ABCB5: variants seen among roughly 807,000 people sequenced by gnomAD.
ABCB5 encodes the protein ATP binding cassette subfamily B member 5.
In ABCB5, 155 loss-of-function variants were observed where a neutral mutation model predicts 144.2. The ratio of observed to expected loss-of-function variants is 1.08; its 90% CI spans 0.94 to 1.23. The LOEUF (loss-of-function observed/expected upper bound fraction) is 1.23. Among genes scored for constraint, ABCB5 ranks in the 50% most tolerant of loss-of-function variants. The pLI is 0.00. For missense variants in ABCB5, 1,830 were observed against 1,520.8 expected (o/e 1.20, Z -3.38); for synonymous variants, 610 against 528.6 (o/e 1.15, Z -2.11).
rs569999498 is a variant in ABCB5 at position 20,753,245 on chromosome 7, A to T, written c.3430-115A>T. 39 of 1,284,692 alleles carry T rather than the reference A, an allele frequency of 3.0e-5. No homozygotes were observed. The East Asian group carries it at 4.0e-4, about 13-fold the overall frequency. The allele number at this position is 1,284,692 out of a possible 1,614,324, so 79.6% of individuals were successfully genotyped here. A position where few individuals can be genotyped will look rare whatever the true frequency, so the allele number is the denominator to read the frequency against. ...AGAATAGATTTCAACATTTGTTGGG[A>T]CACAAATTTTCAAGAGTAGCAAAAT... On this transcript the variant is annotated intron_variant, in intron 26 of 27. Transcript: ENST00000404938.
chr7:20,702,327 G>A (rs557260497), intron 19 of ABCB5, among the ~76,000 whole-genome samples: 15 of 151,944 alleles, frequency 9.9e-5, no homozygotes, highest in Non-Finnish European at 2.1e-4. Flanking sequence ...AGGCTTCTTG[G>A]GGTTCTTTAA....
intron 14 of ABCB5, among the ~76,000 whole-genome samples, chr7:20,670,647 T>C (rs1372259375): frequency 2.0e-5 from 3 of 152,208 alleles, no homozygotes; most frequent in Admixed American, 2.0e-4. Flanking sequence ...CGGTGGCTCA[T>C]GCTTGTAATC....
chr7:20,702,226 TTAATGA>T (rs1202084067), intron 19 of ABCB5, among the ~76,000 whole-genome samples: 3 of 152,254 alleles, frequency 2.0e-5, no homozygotes, highest in Non-Finnish European at 4.4e-5. Flanking sequence ...TTTACAATTC[TTAATGA>T]TAAATAATTA....
At chr7:20,651,777 G>T in intron 13 of ABCB5, 154 bp downstream of exon 13, 1 of 722,866 alleles carries the variant, frequency 1.4e-6, no homozygotes, top group Non-Finnish European at 2.2e-6. Flanking sequence ...AGTGGCACAA[G>T]ATGGCTTTGA....
At chr7:20,717,129 T>A (rs1194069405) in intron 20 of ABCB5, among the ~76,000 whole-genome samples, 1 of 152,092 alleles carries the variant, frequency 6.6e-6, no homozygotes, top group Non-Finnish European at 1.5e-5. Flanking sequence ...TGCCAAGAAC[T>A]TAAGGTCCAC....
intron 20 of ABCB5, among the ~76,000 whole-genome samples, chr7:20,705,524 C>T (rs1477669453): frequency 6.6e-6 from 1 of 152,114 alleles, no homozygotes; most frequent in African/African-American, 2.4e-5. Flanking sequence ...CTACTTTAAA[C>T]TGAAGTAAAA....
chr7:20,645,718 C>G (rs759432159), intron 7 of ABCB5, 38 bp from the exon 8 acceptor site: 1 of 1,610,876 alleles, frequency 6.2e-7, no homozygotes, highest in Non-Finnish European at 8.5e-7. Context: ...TATTACTACA[C>G]AGAGTCATTT....
chr7:20,714,495 T>C (rs1781606816), intron 20 of ABCB5, among the ~76,000 whole-genome samples: 1 of 152,178 alleles, frequency 6.6e-6, no homozygotes, highest in Non-Finnish European at 1.5e-5. Context: ...CTTCAATTCT[T>C]GTAGTACTCC....
intron 19 of ABCB5, among the ~76,000 whole-genome samples, chr7:20,703,866 C>T (rs1304486027): frequency 3.9e-5 from 6 of 152,092 alleles, no homozygotes; most frequent in Non-Finnish European, 7.3e-5. Context: ...CTTTAGATTG[C>T]ATACCTCTTA....
At chr7:20,658,327 C>CTTTTTTTTTTTTTTTTT (rs759670787) in intron 13 of ABCB5, among the ~76,000 whole-genome samples, 179 bp from the exon 14 acceptor site, 1 of 140,676 alleles carries the variant, frequency 7.1e-6, no homozygotes. Context: ...TCTTTGGGCT[C>CTTTTTTTTTTTTTTTTT]TTTTTTTTTT....
intron 9 of ABCB5, among the ~76,000 whole-genome samples, chr7:20,647,075 C>A (rs1784428577): frequency 6.6e-6 from 1 of 152,128 alleles, no homozygotes. Flanking sequence ...TCCCCTAATA[C>A]AAAAATTCAA....
chr7:20,744,339 G>A (rs928151980), intron 25 of ABCB5, among the ~76,000 whole-genome samples: 52 of 151,988 alleles, frequency 3.4e-4, no homozygotes, highest in African/African-American at 1.1e-3. Context: ...GTCTCCTCAT[G>A]TTCTTTAAAC....
intron 20 of ABCB5, among the ~76,000 whole-genome samples, chr7:20,714,236 A>G (rs1401316626): frequency 6.6e-6 from 1 of 152,036 alleles, no homozygotes; most frequent in African/African-American, 2.4e-5. Flanking sequence ...TTCCTTTCAT[A>G]ATTTTCTTAT....
At chr7:20,635,671 T>C (rs1370865989) in intron 5 of ABCB5, among the ~76,000 whole-genome samples, 1 of 152,074 alleles carries the variant, frequency 6.6e-6, no homozygotes, top group Non-Finnish European at 1.5e-5. Context: ...CTATTGTAAA[T>C]GGGATTGATT....
rs1786493206 is a variant in ABCB5 at position 20,698,315 on chromosome 7, A to G, written c.2011-92A>G. The G allele has an allele frequency of 2.7e-6, 3 of 1,129,210 alleles. No individual in the cohort carries two copies. The African/African-American group carries it at 4.8e-5, about 18-fold the overall frequency. The allele number at this position is 1,129,210 out of a possible 1,614,324, so 69.9% of individuals were successfully genotyped here. A position where few individuals can be genotyped will look rare whatever the true frequency, so the allele number is the denominator to read the frequency against. On this transcript the variant is annotated intron_variant, in intron 16 of 27. Coordinates refer to ENST00000404938, the MANE Select transcript of ABCB5 (RefSeq NM_001163941.2). ...CCTGCTGTCTGTTATGTTTGATGTT[A>G]TACATTATAATTCTGTTTATGATGG...
At chr7:20,671,453 A>G (rs1251195530) in intron 14 of ABCB5, among the ~76,000 whole-genome samples, 1 of 152,028 alleles carries the variant, frequency 6.6e-6, no homozygotes, top group East Asian at 1.9e-4. Flanking sequence ...TTTTGTAACC[A>G]TTTCACCCTG....
chr7:20,733,646 T>C (rs535659240), intron 23 of ABCB5, among the ~76,000 whole-genome samples: 42 of 151,924 alleles, frequency 2.8e-4, no homozygotes, highest in African/African-American at 9.2e-4. Flanking sequence ...CTTTTCTTTT[T>C]TTTTTTTTTT....
chr7:20,724,545 C>G (rs1467318036), intron 21 of ABCB5, among the ~76,000 whole-genome samples: 3 of 147,600 alleles, frequency 2.0e-5, no homozygotes, highest in African/African-American at 7.5e-5. Flanking sequence ...AGGAGAATCA[C>G]TTGAACCCAG....
chr7:20,695,846 C>T lies in ABCB5; in HGVS notation c.2011-2561C>T, dbSNP rs115783040. ...AACGTGGTTAGTCATTTCAGAAATGCAAAAAAAAAATCACAATGAGAAATC... is the reference window on the plus strand; with the variant it reads ...AACGTGGTTAGTCATTTCAGAAATGTAAAAAAAAAATCACAATGAGAAATC... On this transcript the variant is annotated intron_variant, in intron 16 of 27. Transcript: ENST00000404938. Among the ~76,000 whole-genome samples the T allele has an allele frequency of 8.3e-3, 1,224 of 146,860 alleles. 27 individuals carry two copies. Among genetic ancestry groups the T allele is most frequent in the African/African-American group, 0.029 (1,170 of 40,174 alleles).
Sources: allele counts gnomAD v4.1 joint callset (sites outside exome capture counted in the v4.1 genomes callset), GRCh38; gene constraint gnomAD v4.1.1; transcripts MANE v1.5; gene names NCBI Gene and HGNC (gene_info 2026-07-23, HGNC 2026-07-21).